The following CNTN4 variants were observed in gnomAD, a reference collection of about 807,000 sequenced individuals.
The protein encoded by CNTN4 is contactin 4, also known as contactin-4.
CNTN4 carries 77 observed loss-of-function variants against 122.5 expected under a neutral mutation model. That is an observed-to-expected ratio of 0.63 (90% confidence interval 0.52 to 0.76). CNTN4 has a LOEUF of 0.76. Among genes scored for constraint, CNTN4 ranks in the 30% least tolerant of loss-of-function variants. The pLI is 0.00. For missense variants in CNTN4, 1,256 were observed against 1,259.1 expected (o/e 1.00, Z 0.04); for synonymous variants, 512 against 447.0 (o/e 1.15, Z -1.83).
intron 2 of CNTN4, among the ~76,000 whole-genome samples, chr3:2,125,500 T>G (rs12637200): frequency 0.057 from 8,654 of 152,106 alleles, 411 homozygotes; most frequent in East Asian, 0.23. Flanking sequence ...ATCTTTGACA[T>G]CTTGACTTCA....
intron 2 of CNTN4, among the ~76,000 whole-genome samples, chr3:2,149,989 A>G (rs760197922): frequency 2.1e-5 from 3 of 144,926 alleles, no homozygotes; most frequent in African/African-American, 7.6e-5. Flanking sequence ...TTTCTGTATT[A>G]TATCAAGTAA....
At chr3:2,813,057 A>G (rs1487854555) in intron 6 of CNTN4, among the ~76,000 whole-genome samples, 2 of 152,192 alleles carry the variant, frequency 1.3e-5, no homozygotes, top group Non-Finnish European at 2.9e-5. Context: ...ATTTATTTTC[A>G]CTACAAGTCT....
At chr3:2,647,380 C>CATAA (rs10591988) in intron 4 of CNTN4, among the ~76,000 whole-genome samples, 22,327 of 149,984 alleles carry the variant, frequency 0.15, 1,935 homozygotes, top group South Asian at 0.22. Flanking sequence ...AAACTCATCT[C>CATAA]ATAAATAAAT....
intron 13 of CNTN4, among the ~76,000 whole-genome samples, chr3:2,960,984 A>G (rs920467921): frequency 6.7e-6 from 1 of 150,332 alleles, no homozygotes; most frequent in African/African-American, 2.5e-5. Context: ...TAATCCCAGC[A>G]CTTTGGGAGG....
At position 2,415,922 on chromosome 3, in the gene CNTN4, C is replaced by G. The variant is rs1457242601; in HGVS notation, c.-89+76689C>G. Among the ~76,000 whole-genome samples, 4 of 152,184 alleles carry G rather than the reference C, an allele frequency of 2.6e-5. No individual in the cohort carries two copies. The East Asian group carries it at 7.7e-4, about 29-fold the overall frequency. ...GAAGCTTAATAACCAAAGTTATAAC[C>G]TACATTTGTTTTACTGTGCTCTAAT... On this transcript the variant is annotated intron_variant, in intron 3 of 24. Transcript: ENST00000418658.
At chr3:2,242,742 A>G (rs1023549155) in intron 2 of CNTN4, among the ~76,000 whole-genome samples, 1 of 152,152 alleles carries the variant, frequency 6.6e-6, no homozygotes, top group African/African-American at 2.4e-5. Flanking sequence ...AGTAAAACCT[A>G]TAAGGAGACT....
intron 7 of CNTN4, among the ~76,000 whole-genome samples, chr3:2,820,482 C>T (rs748934491): frequency 1.4e-4 from 22 of 152,006 alleles, no homozygotes; most frequent in Non-Finnish European, 2.5e-4. Context: ...ATGCAGGTTC[C>T]GTTGTGTAGG....
rs182992625 is a variant in CNTN4, at chr3:2,338,487, A to T, written c.-144-691A>T. 1.1e-3 allele frequency among the ~76,000 whole-genome samples: 171 copies of T among 152,074 alleles called. 1 individual carries two copies. Among genetic ancestry groups the T allele is most frequent in the East Asian group, 7.5e-3 (39 of 5,180 alleles). On this transcript the variant is annotated intron_variant, in intron 2 of 24. Coordinates refer to ENST00000418658, the MANE Select transcript of CNTN4 (RefSeq NM_175607.3). Reference sequence around the variant, plus strand: ...TATTTTCAGTTATTAAAACTATAAGACAGTTATTTTACAAAGAAGTGATCT... The same window carrying T: ...TATTTTCAGTTATTAAAACTATAAGTCAGTTATTTTACAAAGAAGTGATCT...
intron 2 of CNTN4, among the ~76,000 whole-genome samples, chr3:2,286,604 A>G (rs2041911566): frequency 6.6e-6 from 1 of 152,144 alleles, no homozygotes; most frequent in Non-Finnish European, 1.5e-5. Context: ...TTAATGCATG[A>G]GTGAGATGCA....
chr3:2,298,678 AG>A (rs2042397788), intron 2 of CNTN4, among the ~76,000 whole-genome samples: 1 of 152,194 alleles, frequency 6.6e-6, no homozygotes, highest in South Asian at 2.1e-4. Flanking sequence ...CAACCAAAAA[AG>A]TATTGTGTAT....
chr3:3,034,664 G>A lies in CNTN4; in HGVS notation c.1816G>A (p.Asp606Asn). 6.2e-7 allele frequency: 1 copy of A among 1,614,132 alleles called. No individual in the cohort carries two copies. Among genetic ancestry groups the A allele is most frequent in the Admixed American group, 1.7e-5 (1 of 60,022 alleles). The stretch of plus-strand genomic sequence containing the variant: ...AGGTCCCCCAGAGGCTGTGACAATA[G>A]ACGAAATCACAGATACCACTGCTCA... ...PPGPPEAVTI[D>N]EITDTTAQLS... is the part of the protein sequence containing the mutation. The change falls in exon 17 of 25, where the codon GAC becomes AAC. Residue 606 changes from aspartate to asparagine, a missense_variant. Transcript: ENST00000418658.
At position 2,431,563 on chromosome 3, in the gene CNTN4, C is replaced by T. The variant is rs111915813; in HGVS notation, c.-89+92330C>T. ...TTGACTTTTTTTAAAGAAGAAATTCCGTGGAATAGATAAGAGGAACCATAA... is the reference window on the plus strand; with the variant it reads ...TTGACTTTTTTTAAAGAAGAAATTCTGTGGAATAGATAAGAGGAACCATAA... On this transcript the variant is annotated intron_variant, in intron 3 of 24. Coordinates refer to ENST00000418658, the MANE Select transcript of CNTN4 (RefSeq NM_175607.3). Among the ~76,000 whole-genome samples the T allele has an allele frequency of 2.5e-3, 374 of 152,004 alleles. 1 individual carries two copies. The highest frequency in any genetic ancestry group is 8.6e-3 in the African/African-American group (356 of 41,440).
chr3:2,418,290 C>G (rs1392201034), intron 3 of CNTN4, among the ~76,000 whole-genome samples: 4 of 151,934 alleles, frequency 2.6e-5, no homozygotes, highest in African/African-American at 4.8e-5. Flanking sequence ...TGCTGTGAAC[C>G]TAAAGCTGCC....
chr3:2,946,005 T>C (rs1055550693), intron 13 of CNTN4, among the ~76,000 whole-genome samples: 1 of 152,220 alleles, frequency 6.6e-6, no homozygotes, highest in Non-Finnish European at 1.5e-5. Context: ...GAGAGTCTCA[T>C]CTTCTTTCAA....
intron 8 of CNTN4, among the ~76,000 whole-genome samples, chr3:2,867,359 C>T (rs192487553): frequency 4.5e-4 from 68 of 152,224 alleles, no homozygotes; most frequent in Admixed American, 1.8e-3. Flanking sequence ...CAGTACTGAA[C>T]GCATAGTTCC....
intron 3 of CNTN4, among the ~76,000 whole-genome samples, chr3:2,453,577 G>T (rs1013577862): frequency 6.6e-6 from 1 of 152,106 alleles, no homozygotes; most frequent in Admixed American, 6.6e-5. Context: ...TCATGATCAT[G>T]TAGCTTTTCA....
intron 3 of CNTN4, among the ~76,000 whole-genome samples, chr3:2,429,947 A>G (rs189291786): frequency 5.3e-5 from 8 of 152,180 alleles, no homozygotes; most frequent in East Asian, 3.9e-4. Flanking sequence ...GAGTCACCCA[A>G]TTTTCCAGGT....
intron 6 of CNTN4, among the ~76,000 whole-genome samples, chr3:2,794,639 A>G (rs2092113042): frequency 6.6e-6 from 1 of 152,194 alleles, no homozygotes; most frequent in Non-Finnish European, 1.5e-5. Context: ...CTTCCTTTAG[A>G]GATAGAAATA....
chr3:2,650,640 A>G (rs1029239049), intron 4 of CNTN4, among the ~76,000 whole-genome samples: 4 of 152,132 alleles, frequency 2.6e-5, no homozygotes, highest in African/African-American at 9.7e-5. Context: ...AGCAACATCC[A>G]CCCTGATCAG....
Sources: allele counts gnomAD v4.1 joint callset (sites outside exome capture counted in the v4.1 genomes callset), GRCh38; gene constraint gnomAD v4.1.1; transcripts MANE v1.5; gene names NCBI Gene and HGNC (gene_info 2026-07-23, HGNC 2026-07-21).